Variants in TMC1 observed in about 807,000 individuals in gnomAD.
TMC1 encodes the protein transmembrane channel-like protein 1.
A neutral mutation model predicts 105.8 loss-of-function variants in TMC1; 84 were observed. That is an observed-to-expected ratio of 0.79 (90% confidence interval 0.67 to 0.95). The LOEUF (loss-of-function observed/expected upper bound fraction) is 0.95. Among genes scored for constraint, TMC1 ranks in the 40% least tolerant of loss-of-function variants. The pLI is 0.00. For synonymous variants in TMC1, 315 were observed against 311.5 expected, an observed-to-expected ratio of 1.01 and a Z score of -0.12; for missense variants, 817 against 914.1, an observed-to-expected ratio of 0.89 and a Z score of 1.37.
chr9:72,595,951 A>C (rs1824712975), intron 2 of TMC1, among the ~76,000 whole-genome samples: 1 of 149,224 alleles, frequency 6.7e-6, no homozygotes, highest in East Asian at 2.0e-4. Context: ...ATCTCGGCTC[A>C]CTGCAACCTC....
intron 3 of TMC1, among the ~76,000 whole-genome samples, chr9:72,622,062 T>G (rs1042625492): frequency 6.6e-6 from 1 of 152,152 alleles, no homozygotes; most frequent in Admixed American, 6.5e-5. Flanking sequence ...CTTTCTCTTT[T>G]GCAAATTTGG....
intron 20 of TMC1, among the ~76,000 whole-genome samples, chr9:72,824,775 G>A (rs1024690645): frequency 2.0e-5 from 3 of 152,168 alleles, no homozygotes; most frequent in African/African-American, 7.2e-5. Context: ...ATAGGTGAAG[G>A]GTGGGGATGA....
chr9:72,657,336 A>G (rs907990896), intron 5 of TMC1, among the ~76,000 whole-genome samples: 2 of 152,344 alleles, frequency 1.3e-5, no homozygotes, highest in African/African-American at 4.8e-5. Flanking sequence ...TGCCTATTGA[A>G]CAATGCCTGA....
At chr9:72,694,446 C>A in intron 6 of TMC1, 97 bp from the exon 7 acceptor site, 2 of 1,058,896 alleles carry the variant, frequency 1.9e-6, no homozygotes, top group Admixed American at 3.9e-5. Context: ...ACTGTGCTGT[C>A]AGATGTGTAA....
intron 12 of TMC1, among the ~76,000 whole-genome samples, chr9:72,755,114 G>A (rs12335624): frequency 9.4e-5 from 14 of 148,654 alleles, no homozygotes; most frequent in East Asian, 3.9e-4. Context: ...GAAAGAAAGA[G>A]AAAGAAAGAA....
chr9:72,732,975 G>T (rs569102866), intron 8 of TMC1, among the ~76,000 whole-genome samples: 33 of 152,200 alleles, frequency 2.2e-4, no homozygotes, highest in African/African-American at 7.7e-4. Flanking sequence ...CAGGAAACTG[G>T]ATCAAAGGCA....
At chr9:72,677,778 CTGTT>C (rs66493453) in intron 5 of TMC1, among the ~76,000 whole-genome samples, 22,749 of 152,028 alleles carry the variant, frequency 0.15, 1,835 homozygotes, top group African/African-American at 0.19. Flanking sequence ...CCTTCCCTGT[CTGTT>C]CCTGTTTAGT....
intron 5 of TMC1, among the ~76,000 whole-genome samples, chr9:72,654,566 TG>T (rs1183942789): frequency 3.9e-5 from 6 of 152,196 alleles, no homozygotes; most frequent in African/African-American, 1.4e-4. Context: ...CATCAAATAA[TG>T]GTATACCCCT....
chr9:72,766,850 A>G (rs2118107613), intron 12 of TMC1, among the ~76,000 whole-genome samples: 1 of 152,342 alleles, frequency 6.6e-6, no homozygotes, highest in Middle Eastern at 3.4e-3. Context: ...AGCAAAAGGA[A>G]AATAAAATAA....
At chr9:72,661,216 C>T (rs1825965687) in intron 5 of TMC1, among the ~76,000 whole-genome samples, 1 of 152,128 alleles carries the variant, frequency 6.6e-6, no homozygotes, top group South Asian at 2.1e-4. Context: ...AGTTTTCAGC[C>T]ATGGATCATG....
In TMC1 at chr9:72,836,859, A is replaced by G. The variant is rs1451027797; in HGVS notation, c.*886A>G. ...AGGGAAGAATTCAGCTGAGGGGCAG[A>G]AGTAGGTTTATGGCAGAGGGAGAGA... On this transcript the variant is annotated 3_prime_UTR_variant, in exon 24 of 24. Coordinates refer to ENST00000297784, the MANE Select transcript of TMC1 (RefSeq NM_138691.3). The G allele has an allele frequency of 6.6e-6, 1 of 152,224 alleles. No individual in the cohort carries two copies. Among genetic ancestry groups the G allele is most frequent in the African/African-American group, 2.4e-5 (1 of 41,470 alleles). The allele number at this position is 152,224 out of a possible 1,614,324, so 9.4% of individuals were successfully genotyped here. A position where few individuals can be genotyped will look rare whatever the true frequency, so the allele number is the denominator to read the frequency against.
At chr9:72,574,787 C>T (rs1824347112) in intron 1 of TMC1, among the ~76,000 whole-genome samples, 1 of 152,328 alleles carries the variant, frequency 6.6e-6, no homozygotes, top group Non-Finnish European at 1.5e-5. Context: ...GAAGTATTCT[C>T]TGACCATACA....
intron 13 of TMC1, among the ~76,000 whole-genome samples, chr9:72,774,998 A>T (rs1827984688): frequency 6.6e-6 from 1 of 152,208 alleles, no homozygotes; most frequent in Non-Finnish European, 1.5e-5. Context: ...CTGCATACTC[A>T]TCCACAAAAT....
chr9:72,537,205 T>C (rs937690209), intron 1 of TMC1, among the ~76,000 whole-genome samples: 5 of 152,262 alleles, frequency 3.3e-5, no homozygotes, highest in Non-Finnish European at 4.4e-5. Context: ...GCAAAATTAT[T>C]TTGTCCTCCT....
chr9:72,537,130 G>A (rs909276912), intron 1 of TMC1, among the ~76,000 whole-genome samples: 40 of 152,334 alleles, frequency 2.6e-4, no homozygotes, highest in Non-Finnish European at 4.1e-4. Flanking sequence ...TGGAGCCAGA[G>A]TGGCCAGGAT....
chr9:72,688,801 C>A (rs1826416773), intron 6 of TMC1, 45 bp downstream of exon 6: 4 of 1,497,020 alleles, frequency 2.7e-6, no homozygotes, highest in Non-Finnish European at 3.7e-6. Flanking sequence ...TATGGAATAC[C>A]AGTAAACTCA....
intron 5 of TMC1, among the ~76,000 whole-genome samples, chr9:72,656,381 C>T (rs1825884909): frequency 6.7e-6 from 1 of 149,456 alleles, no homozygotes; most frequent in Non-Finnish European, 1.5e-5. Flanking sequence ...AAGTTTGGTG[C>T]CTTTTTTTTT....
chr9:72,816,839 A>T (rs1255170640), intron 19 of TMC1, among the ~76,000 whole-genome samples: 1 of 152,158 alleles, frequency 6.6e-6, no homozygotes, highest in Admixed American at 6.5e-5. Flanking sequence ...GGTTAAGATG[A>T]GTCGATACAG....
At chr9:72,720,484 T>C (rs1827003384) in intron 8 of TMC1, among the ~76,000 whole-genome samples, 2 of 152,204 alleles carry the variant, frequency 1.3e-5, no homozygotes, top group South Asian at 4.1e-4. Flanking sequence ...GTGTGCCCTG[T>C]CTCTCTCATC....
Sources: allele counts gnomAD v4.1 joint callset (sites outside exome capture counted in the v4.1 genomes callset), GRCh38; gene constraint gnomAD v4.1.1; transcripts MANE v1.5; gene names NCBI Gene and HGNC (gene_info 2026-07-23, HGNC 2026-07-21).